Variants in TDRD3 observed in about 807,000 individuals in gnomAD.
The protein encoded by TDRD3 is tudor domain containing 3.
A neutral mutation model predicts 86.7 loss-of-function variants in TDRD3; 45 were observed. The observed-to-expected ratio is 0.52, with a 90% confidence interval of 0.41 to 0.67. The LOEUF (loss-of-function observed/expected upper bound fraction) is 0.67. Among genes scored for constraint, TDRD3 ranks in the 30% least tolerant of loss-of-function variants. TDRD3 has a pLI of 0.00. For synonymous variants in TDRD3, 298 were observed against 301.7 expected (o/e 0.99, Z 0.13); for missense variants, 814 against 889.0 (o/e 0.92, Z 1.07).
intron 5 of TDRD3, among the ~76,000 whole-genome samples, chr13:60,483,115 A>G (rs116357069): frequency 1.5e-3 from 222 of 152,202 alleles, no homozygotes; most frequent in African/African-American, 5.1e-3. Flanking sequence ...TTCATAATAC[A>G]TTGTTATCTC....
At chr13:60,443,966 A>T (rs1285434769) in intron 2 of TDRD3, among the ~76,000 whole-genome samples, 2 of 151,942 alleles carry the variant, frequency 1.3e-5, no homozygotes, top group African/African-American at 2.4e-5. Flanking sequence ...TCTAAAGAGG[A>T]CACAGTCGTA....
chr13:60,463,172 G>A (rs1048505525), intron 4 of TDRD3, among the ~76,000 whole-genome samples: 6 of 151,868 alleles, frequency 4.0e-5, no homozygotes, highest in South Asian at 2.1e-4. Flanking sequence ...CAAGGCGGGC[G>A]GATCACCTGA....
Position 60,494,441 on chromosome 13 carries a change from A to G in TDRD3, c.724A>G (p.Thr242Ala). 6.2e-7 allele frequency: 1 copy of G among 1,612,924 alleles called. No homozygotes were observed. The change falls in exon 8 of 14, where the codon ACA becomes GCA. Residue 242 changes from threonine to alanine, a missense_variant. Thr to Ala is a moderately conservative substitution (Grantham distance 58). Coordinates refer to ENST00000377881, the MANE Select transcript of TDRD3 (RefSeq NM_001146070.2). ...AEVAKSKETK[T>A]FGGGGGGARS... ...ATCTTTCTCTTATGTAAAGACCAAG[A>G]CATTTGGAGGAGGTGGTGGTGGTGC...
intron 1 of TDRD3, among the ~76,000 whole-genome samples, chr13:60,438,363 A>G (rs1054383135): frequency 2.0e-5 from 3 of 152,080 alleles, no homozygotes; most frequent in Non-Finnish European, 2.9e-5. Flanking sequence ...CCTGCCTACC[A>G]TCTATTCATT....
At chr13:60,430,399 A>G (rs1007753138) in intron 1 of TDRD3, among the ~76,000 whole-genome samples, 27 of 152,238 alleles carry the variant, frequency 1.8e-4, no homozygotes, top group African/African-American at 6.0e-4. Context: ...GAACTGATAT[A>G]TGGTTTTATA....
At chr13:60,497,885 G>A (rs1956751297) in intron 8 of TDRD3, among the ~76,000 whole-genome samples, 1 of 152,088 alleles carries the variant, frequency 6.6e-6, no homozygotes, top group Non-Finnish European at 1.5e-5. Flanking sequence ...TATTAAGGGT[G>A]TGGGATAATG....
rs189478408 is a variant in TDRD3 at position 60,552,648 on chromosome 13, C to T, written c.2119-14877C>T. Among the ~76,000 whole-genome samples the T allele has an allele frequency of 3.3e-5, 5 of 152,326 alleles. No homozygotes were observed. The East Asian group carries it at 5.8e-4, about 18-fold the overall frequency. On this transcript the variant is annotated intron_variant, in intron 12 of 13. Transcript: ENST00000377881. The stretch of plus-strand genomic sequence containing the variant: ...AGCCCCACATTTCCCCTCTGAATTG[C>T]CCTAGTAGAGGTTCTCCATGAGGGC...
At chr13:60,460,954 GATCA>G (rs1955790041) in intron 4 of TDRD3, 1 of 152,512 alleles carries the variant, frequency 6.6e-6, no homozygotes, top group South Asian at 2.1e-4. Flanking sequence ...AGTGAGCTGA[GATCA>G]TGCCATTGCA....
At chr13:60,488,568 G>T (rs894062803) in intron 7 of TDRD3, among the ~76,000 whole-genome samples, 3 of 151,708 alleles carry the variant, frequency 2.0e-5, no homozygotes, top group Non-Finnish European at 2.9e-5. Flanking sequence ...TGGATTGTTT[G>T]GGTTTTTTTG....
intron 2 of TDRD3, among the ~76,000 whole-genome samples, chr13:60,440,930 A>C (rs888649932): frequency 6.6e-6 from 1 of 152,172 alleles, no homozygotes; most frequent in African/African-American, 2.4e-5. Context: ...AACGTTAAAA[A>C]AGTTACTTAA....
intron 11 of TDRD3, among the ~76,000 whole-genome samples, chr13:60,534,510 A>T (rs1957656252): frequency 6.6e-6 from 1 of 151,940 alleles, no homozygotes; most frequent in South Asian, 2.1e-4. Context: ...TGACATTCCT[A>T]CTTCATTCTA....
chr13:60,573,791 C>T lies in TDRD3; in HGVS notation c.*185C>T, dbSNP rs947644349. On this transcript the variant is annotated 3_prime_UTR_variant, in exon 14 of 14. Transcript: ENST00000377881. ...CTCACACAAAGAATGGAAAAAAATACTGAGTTAAATTAAGCAAATACCTTT... is the reference window on the plus strand; with the variant it reads ...CTCACACAAAGAATGGAAAAAAATATTGAGTTAAATTAAGCAAATACCTTT... The T allele has an allele frequency of 7.8e-6, 3 of 386,086 alleles. No homozygotes were observed. The Admixed American group carries it at 1.9e-4, about 25-fold the overall frequency. 23.9% of individuals were successfully genotyped at this position (386,086 alleles called of 1,614,324 possible). A position where few individuals can be genotyped will look rare whatever the true frequency, so the allele number is the denominator to read the frequency against.
At chr13:60,505,962 G>A (rs2137631868) in intron 8 of TDRD3, among the ~76,000 whole-genome samples, 1 of 152,300 alleles carries the variant, frequency 6.6e-6, no homozygotes, top group South Asian at 2.1e-4. Flanking sequence ...CACACTTCAG[G>A]ATATTGTCCG....
intron 1 of TDRD3, among the ~76,000 whole-genome samples, chr13:60,424,582 C>G (rs1462768873): frequency 1.3e-5 from 2 of 152,032 alleles, no homozygotes; most frequent in African/African-American, 4.8e-5. Flanking sequence ...AAGGCTGAGG[C>G]AGGAGAATTG....
chr13:60,554,741 C>T (rs568235327), intron 12 of TDRD3, among the ~76,000 whole-genome samples: 4 of 152,288 alleles, frequency 2.6e-5, no homozygotes, highest in Admixed American at 1.3e-4. Flanking sequence ...TAGCTTCATC[C>T]TTGAACGAGA....
chr13:60,432,722 T>A (rs1211677205), intron 1 of TDRD3, among the ~76,000 whole-genome samples: 1 of 152,226 alleles, frequency 6.6e-6, no homozygotes, highest in Non-Finnish European at 1.5e-5. Flanking sequence ...TTTGCTAAGA[T>A]CAAAAATATC....
In TDRD3 at chr13:60,431,690, A is replaced by G. The variant is rs144224914; in HGVS notation, c.42-7998A>G. ...TTTCACCAGCCTGAGCAACAAAGCA[A>G]GACTATCTTTACCAAAAAAAAAAAA... is the stretch of plus-strand genomic sequence containing the variant. On this transcript the variant is annotated intron_variant, in intron 1 of 13. Coordinates refer to ENST00000377881, the MANE Select transcript of TDRD3 (RefSeq NM_001146070.2). 3.1e-3 allele frequency among the ~76,000 whole-genome samples: 455 copies of G among 147,094 alleles called. 2 individuals carry two copies. The highest frequency in any genetic ancestry group is 0.011 in the African/African-American group (429 of 40,446).
intron 5 of TDRD3, among the ~76,000 whole-genome samples, chr13:60,483,385 A>G (rs1260415023): frequency 1.3e-5 from 2 of 152,148 alleles, no homozygotes; most frequent in African/African-American, 2.4e-5. Context: ...TTTGGTGTCT[A>G]AAAAATTTAT....
chr13:60,491,009 C>G (rs557541804), intron 7 of TDRD3, among the ~76,000 whole-genome samples: 1 of 150,594 alleles, frequency 6.6e-6, no homozygotes, highest in Non-Finnish European at 1.5e-5. Flanking sequence ...CCCAGCTACT[C>G]GGGAGCCTGA....
Sources: gnomAD v4.1 joint callset for allele counts (sites outside exome capture counted in the v4.1 genomes callset) on GRCh38, gnomAD v4.1.1 for gene constraint, MANE v1.5 for transcripts, NCBI Gene and HGNC (gene_info 2026-07-23, HGNC 2026-07-21) for gene names.